Variants in PHKA2 observed in about 807,000 individuals in gnomAD.
PHKA2 encodes phosphorylase kinase regulatory subunit alpha 2, also known as phosphorylase b kinase regulatory subunit alpha, liver isoform.
In PHKA2, 31 loss-of-function variants were observed where a neutral mutation model predicts 102.0. The observed-to-expected ratio is 0.30, with a 90% CI of 0.23 to 0.41. The LOEUF is 0.41. Ranked by LOEUF, PHKA2 falls within the 10% of genes least tolerant of loss-of-function variation. The pLI is 1.00. For synonymous variants in PHKA2, 455 were observed against 416.2 expected, an observed-to-expected ratio of 1.09 and a Z score of -1.13; for missense variants, 858 against 1,023.1, an observed-to-expected ratio of 0.84 and a Z score of 2.20.
rs772579657 is a variant in PHKA2 at position 18,971,500 on chromosome X, C to T, written c.78+12355G>A. 5.4e-5 allele frequency among the ~76,000 whole-genome samples: 6 copies of T among 112,053 alleles called. No homozygotes were observed. The South Asian group carries it at 2.2e-3, about 41-fold the overall frequency. On this transcript the variant is annotated intron_variant, in intron 1 of 32. Coordinates refer to ENST00000379942, the MANE Select transcript of PHKA2 (RefSeq NM_000292.3). The stretch of plus-strand genomic sequence containing the variant: ...AAATATTTTTTTGGTTATTCTGGTA[C>T]TATGTTGCATATCTCTTCTCTTTGT...
intron 1 of PHKA2, among the ~76,000 whole-genome samples, chrX:18,975,566 A>G (rs1002197799): frequency 3.6e-5 from 4 of 112,009 alleles, no homozygotes; most frequent in Non-Finnish European, 7.5e-5. Context: ...TCCACCCTAA[A>G]CTTGCTTCCC....
At chrX:18,898,110 C>T (rs764454248) in intron 29 of PHKA2, 1 of 113,111 alleles carries the variant, frequency 8.8e-6, no homozygotes, top group South Asian at 3.6e-4. Flanking sequence ...GGTCCATCCA[C>T]CCACCCTTTG....
rs766689645 is a variant in PHKA2 at position 18,895,174 on chromosome X, G to A, written c.3300C>T (p.Ile1100=). ...TCGAGGATGGGAGGACATAACCATC[G>A]ATGGAGAGACCGTGGCACTGGAGGC... The part of the protein sequence containing the change: ...KILQKCHGLS[I]DGYVLPSSTT... The change falls in exon 31 of 33, where the codon ATC becomes ATT. Residue 1100 remains isoleucine (I), a synonymous_variant. Transcript: ENST00000379942. The A allele has an allele frequency of 1.4e-5, 17 of 1,211,132 alleles. No individual in the cohort carries two copies. The highest frequency in any genetic ancestry group is 3.0e-5 in the East Asian group (1 of 33,845).
In PHKA2 at chrX:18,941,553, T is replaced by C. The variant is rs1261602874; in HGVS notation, c.840A>G (p.Lys280=). 33 of 1,207,291 alleles carry C rather than the reference T, an allele frequency of 2.7e-5. No individual in the cohort carries two copies. Among genetic ancestry groups the C allele is most frequent in the Non-Finnish European group, 3.5e-5 (31 of 891,314 alleles). The change falls in exon 8 of 33, where the codon AAA becomes AAG. Residue 280 remains lysine, a synonymous_variant. Transcript: ENST00000379942. ...CCTGGAGCTTAGAAATAATTTCATT[T>C]TTGGTCACATTTACAAGGTTTACAT... The part of the protein sequence containing the change: ...VEDVNLVNVT[K]NEIISKLQGR...
Position 18,901,600 on chromosome X carries a change from C to A in PHKA2, c.2912G>T (p.Arg971Leu). The change falls in exon 27 of 33, where the codon CGC (arginine) becomes CTC (leucine). Residue 971 changes from arginine (R) to leucine (L), a missense_variant. Coordinates refer to ENST00000379942, the MANE Select transcript of PHKA2 (RefSeq NM_000292.3). ...GCTGGATGTGGAGGAGTGGATAGGG[C>A]GCACTGGGTGGGAAACACACACACG... ...GKEFGVERSV[R>L]PIHSSTSSPT... 5 of 1,164,540 alleles carry A rather than the reference C, an allele frequency of 4.3e-6. No homozygotes were observed. The highest frequency in any genetic ancestry group is 5.8e-6 in the Non-Finnish European group (5 of 855,034).
intron 12 of PHKA2, 37 bp from the exon 13 acceptor site, chrX:18,929,343 A>G: frequency 2.2e-6 from 2 of 898,885 alleles, no homozygotes; most frequent in Non-Finnish European, 3.2e-6. Context: ...TGAAATATTG[A>G]TTAACTAAAA....
chrX:18,893,228 G>A lies in PHKA2; in HGVS notation c.*257C>T. The A allele has an allele frequency of 2.4e-6, 1 of 418,157 alleles. No homozygotes were observed. The allele number at this position is 418,157 out of a possible 1,213,427, so 34.5% of individuals were successfully genotyped here. On this transcript the variant is annotated 3_prime_UTR_variant, in exon 33 of 33. Transcript: ENST00000379942. ...AGAGTCCGTGAGACCAGATGCTACA[G>A]CAAATGTTCCAGAGAAATGAACCTA...
At chrX:18,970,890 A>C (rs775951580) in intron 1 of PHKA2, among the ~76,000 whole-genome samples, 1 of 112,380 alleles carries the variant, frequency 8.9e-6, no homozygotes, top group Non-Finnish European at 1.9e-5. Flanking sequence ...TTTTAGCTAA[A>C]GGAATGTGAA....
At chrX:18,904,125 G>A (rs1224477549) in intron 26 of PHKA2, among the ~76,000 whole-genome samples, 1 of 111,555 alleles carries the variant, frequency 9.0e-6, no homozygotes, top group Non-Finnish European at 1.9e-5. Flanking sequence ...TAAGGAACTT[G>A]GGGACAAGAA....
chrX:18,901,475 G>A lies in PHKA2; in HGVS notation c.3027+10C>T, dbSNP rs377163856. 3.6e-5 allele frequency: 38 copies of A among 1,069,494 alleles called. No homozygotes were observed. Among genetic ancestry groups the A allele is most frequent in the Non-Finnish European group, 4.7e-5 (36 of 767,169 alleles). The allele number at this position is 1,069,494 out of a possible 1,213,427, so 88.1% of individuals were successfully genotyped here. A position where few individuals can be genotyped will look rare whatever the true frequency, so the allele number is the denominator to read the frequency against. On this transcript the variant is annotated intron_variant, in intron 27 of 32. Transcript: ENST00000379942. ...CCACTCATCCCTCGCTGCCACTGAG[G>A]TGTTCTTACCTGTTTCATTTCACTC...
chrX:18,966,254 A>G (rs149654109), intron 1 of PHKA2, among the ~76,000 whole-genome samples: 3,667 of 107,321 alleles, frequency 0.034, 154 homozygotes, highest in African/African-American at 0.12. Flanking sequence ...CACTCGGCTA[A>G]TTTTTTTTTG....
At chrX:18,926,086 T>C (rs765173982) in intron 14 of PHKA2, among the ~76,000 whole-genome samples, 6 of 112,684 alleles carry the variant, frequency 5.3e-5, no homozygotes, top group East Asian at 2.8e-4. Flanking sequence ...CAAAGTCAGA[T>C]TGTAGAAAAA....
intron 13 of PHKA2, among the ~76,000 whole-genome samples, chrX:18,927,301 C>T (rs1040309556): frequency 9.8e-5 from 11 of 112,350 alleles, no homozygotes; most frequent in African/African-American, 3.6e-4. Flanking sequence ...GAGGCCATCA[C>T]CGGGGACAAC....
intron 19 of PHKA2, 50 bp from the exon 20 acceptor site, chrX:18,911,010 C>CTT: frequency 4.6e-5 from 26 of 559,752 alleles, no homozygotes; most frequent in Non-Finnish European, 5.8e-5. Context: ...AAGAACAACA[C>CTT]TTTTTTTTTT....
At chrX:18,961,057 A>G (rs923055643) in intron 1 of PHKA2, among the ~76,000 whole-genome samples, 1 of 111,896 alleles carries the variant, frequency 8.9e-6, no homozygotes, top group African/African-American at 3.3e-5. Flanking sequence ...GAAGAATACT[A>G]CCATCTCAAC....
At chrX:18,974,966 A>G (rs1216684850) in intron 1 of PHKA2, among the ~76,000 whole-genome samples, 2 of 107,237 alleles carry the variant, frequency 1.9e-5, no homozygotes, top group African/African-American at 6.8e-5. Context: ...TCCTCTTTGA[A>G]CCTCATCTCT....
At chrX:18,973,368 T>C (rs762454937) in intron 1 of PHKA2, among the ~76,000 whole-genome samples, 14 of 108,890 alleles carry the variant, frequency 1.3e-4, no homozygotes, top group Non-Finnish European at 1.7e-4. Context: ...TCTATATCTA[T>C]TGAGATGATC....
At chrX:18,982,036 G>A (rs1228390118) in intron 1 of PHKA2, among the ~76,000 whole-genome samples, 1 of 111,614 alleles carries the variant, frequency 9.0e-6, no homozygotes, top group Admixed American at 9.5e-5. Flanking sequence ...TGAAGGGAAA[G>A]GTTTTTCAAC....
Position 18,926,582 on chromosome X carries a change from C to G in PHKA2, c.1330G>C (p.Val444Leu). The change falls in exon 14 of 33, where the codon GTT becomes CTT. Residue 444 changes from valine to leucine, a missense_variant. Physicochemically the swap from Val to Leu is conservative, Grantham distance 32. Transcript: ENST00000379942. ...VKPDVVVQVTVLAENNHIKDL... is the reference protein window; with the variant it reads ...VKPDVVVQVTLLAENNHIKDL... ...TTAATGTGATTGTTTTCTGCCAAAA[C>G]AGTAACTGTGAACAAGAACACAGAA... 1 of 1,209,689 alleles carries G rather than the reference C, an allele frequency of 8.3e-7. No individual in the cohort carries two copies. The highest frequency in any genetic ancestry group is 1.1e-6 in the Non-Finnish European group (1 of 893,327).
Sources: allele counts gnomAD v4.1 joint callset (sites outside exome capture counted in the v4.1 genomes callset), GRCh38; gene constraint gnomAD v4.1.1; transcripts MANE v1.5; gene names NCBI Gene and HGNC (gene_info 2026-07-23, HGNC 2026-07-21).